THSD4: variants seen among roughly 807,000 people sequenced by gnomAD.
THSD4 encodes thrombospondin type 1 domain containing 4.
A neutral mutation model predicts 119.0 loss-of-function variants in THSD4; 69 were observed. The ratio of observed to expected loss-of-function variants is 0.58; its 90% CI spans 0.48 to 0.71. The LOEUF (loss-of-function observed/expected upper bound fraction) is 0.71, where lower values mean the gene tolerates loss of function less well. THSD4 is among the 30% of genes least tolerant of loss of function. THSD4 has a pLI of 0.00. For missense variants in THSD4, 1,393 were observed against 1,391.1 expected (o/e 1.00, Z -0.02); for synonymous variants, 524 against 540.4 (o/e 0.97, Z 0.42).
chr15:71,684,749 C>T (rs554444538), intron 8 of THSD4, among the ~76,000 whole-genome samples: 3 of 152,072 alleles, frequency 2.0e-5, no homozygotes, highest in African/African-American at 7.2e-5. Flanking sequence ...TTTGTGCTAC[C>T]TCTCTGAGGT....
At chr15:71,234,150 C>T (rs1011158288) in intron 4 of THSD4, among the ~76,000 whole-genome samples, 1 of 152,242 alleles carries the variant, frequency 6.6e-6, no homozygotes, top group Non-Finnish European at 1.5e-5. Flanking sequence ...TGATGCCTCC[C>T]TCCCACATCC....
chr15:71,391,982 C>T (rs919627054), intron 6 of THSD4, among the ~76,000 whole-genome samples: 1 of 152,124 alleles, frequency 6.6e-6, no homozygotes, highest in Non-Finnish European at 1.5e-5. Context: ...GCCAAAATGC[C>T]GTGGAACCCA....
In THSD4 at chr15:71,781,600, C is replaced by G. The variant is rs10468050; in HGVS notation, c.*4226C>G. 0.91 allele frequency: 139,026 copies of G among 152,434 alleles called. 63,624 individuals are homozygous for G. Among genetic ancestry groups the G allele is most frequent in the Non-Finnish European group, 0.95 (64,681 of 68,186 alleles). The allele number at this position is 152,434 out of a possible 1,614,324, so 9.4% of individuals were successfully genotyped here. ...ATGAGAACCCTCAGGCTGGAGAAGG[C>G]ACTAGGGCACAAGGAGAGCTCTCCT... is the stretch of plus-strand genomic sequence containing the variant. On this transcript the variant is annotated 3_prime_UTR_variant, in exon 18 of 18. Coordinates refer to ENST00000261862, the MANE Select transcript of THSD4 (RefSeq NM_024817.3).
intron 11 of THSD4, among the ~76,000 whole-genome samples, chr15:71,738,733 G>A (rs1315744721): frequency 1.3e-5 from 2 of 152,106 alleles, no homozygotes; most frequent in East Asian, 3.9e-4. Context: ...AAGATTTGGT[G>A]TCCAGGGTTT....
chr15:71,113,751 C>T (rs968524357), upstream of THSD4: 6 of 152,184 alleles, frequency 3.9e-5, no homozygotes, highest in African/African-American at 1.2e-4. Flanking sequence ...AGGCCACACT[C>T]GGCACTGAAT....
chr15:71,634,661 A>G lies in THSD4; in HGVS notation c.1153-25869A>G, dbSNP rs1301405829. Reference sequence around the variant, plus strand: ...ATTGAGGGAATGGGTGGGAAGAACAAGGTAAAGAAAGGTCGGTCAGAAATG... The same window carrying G: ...ATTGAGGGAATGGGTGGGAAGAACAGGGTAAAGAAAGGTCGGTCAGAAATG... On this transcript the variant is annotated intron_variant, in intron 7 of 17. Coordinates refer to ENST00000261862, the MANE Select transcript of THSD4 (RefSeq NM_024817.3). 5.3e-5 allele frequency among the ~76,000 whole-genome samples: 8 copies of G among 152,192 alleles called. No homozygotes were observed. The East Asian group carries it at 1.5e-3, about 29-fold the overall frequency.
intron 7 of THSD4, among the ~76,000 whole-genome samples, chr15:71,436,159 T>C (rs748710911): frequency 5.9e-5 from 9 of 152,154 alleles, no homozygotes; most frequent in Non-Finnish European, 1.3e-4. Context: ...GCGGGTCTGA[T>C]GAGAACCATA....
chr15:71,561,132 A>G (rs975595048), intron 7 of THSD4, among the ~76,000 whole-genome samples: 39 of 150,732 alleles, frequency 2.6e-4, no homozygotes, highest in Non-Finnish European at 3.8e-4. Flanking sequence ...CTGCCACCAC[A>G]CCCGGCTCAT....
At chr15:71,641,354 G>A (rs897910669) in intron 7 of THSD4, among the ~76,000 whole-genome samples, 4 of 151,670 alleles carry the variant, frequency 2.6e-5, no homozygotes, top group Non-Finnish European at 5.9e-5. Context: ...AGTTTCCAAT[G>A]TGGGGGCTAT....
intron 15 of THSD4, among the ~76,000 whole-genome samples, chr15:71,764,549 CCTCAG>C (rs1401290367): frequency 6.6e-6 from 1 of 152,252 alleles, no homozygotes; most frequent in Non-Finnish European, 1.5e-5. Context: ...TAGGTCTTCT[CCTCAG>C]CTTTGGGTGT....
rs761839526 is a variant in THSD4 at position 71,737,724 on chromosome 15, T to G, written c.1631-8T>G. 6.3e-7 allele frequency: 1 copy of G among 1,596,198 alleles called. No homozygotes were observed. Among genetic ancestry groups the G allele is most frequent in the Admixed American group, 1.7e-5 (1 of 57,774 alleles). ...CTGATTCTGTGTGTGCACGCTCACC[T>G]CTCCTAGGGGAACCCTTCAATGGCC... On this transcript the variant is annotated splice_region_variant and splice_polypyrimidine_tract_variant and intron_variant, in intron 10 of 17. Transcript: ENST00000261862.
intron 8 of THSD4, among the ~76,000 whole-genome samples, chr15:71,663,701 G>C (rs1247907599): frequency 6.6e-6 from 1 of 152,136 alleles, no homozygotes; most frequent in Non-Finnish European, 1.5e-5. Flanking sequence ...GGTGTATCTA[G>C]CTATTTTGAA....
intron 7 of THSD4, among the ~76,000 whole-genome samples, chr15:71,652,274 C>T (rs2051106668): frequency 6.6e-6 from 1 of 152,114 alleles, no homozygotes; most frequent in African/African-American, 2.4e-5. Flanking sequence ...GCTGCCAGCC[C>T]CTCCTGAGAC....
intron 6 of THSD4, among the ~76,000 whole-genome samples, chr15:71,340,302 C>T (rs2045548531): frequency 1.3e-5 from 2 of 152,158 alleles, no homozygotes; most frequent in East Asian, 1.9e-4. Flanking sequence ...ACCCAAGGCT[C>T]AGAGAGGTTG....
intron 1 of THSD4, among the ~76,000 whole-genome samples, chr15:71,128,725 A>G (rs2040476677): frequency 6.6e-6 from 1 of 152,212 alleles, no homozygotes. Context: ...ACCAAGACAT[A>G]TCATAGTCAA....
intron 7 of THSD4, among the ~76,000 whole-genome samples, chr15:71,480,907 A>C (rs975847947): frequency 6.6e-6 from 1 of 152,208 alleles, no homozygotes; most frequent in Non-Finnish European, 1.5e-5. Context: ...CACATCCATG[A>C]ACACCCCATG....
chr15:71,679,893 T>C (rs973104635), intron 8 of THSD4, among the ~76,000 whole-genome samples: 3 of 152,202 alleles, frequency 2.0e-5, no homozygotes, highest in Non-Finnish European at 4.4e-5. Flanking sequence ...GATACTGCTA[T>C]GTCAGTGGGC....
At chr15:71,719,174 A>G (rs551953111) in intron 8 of THSD4, among the ~76,000 whole-genome samples, 2 of 152,370 alleles carry the variant, frequency 1.3e-5, no homozygotes, top group South Asian at 2.1e-4. Context: ...TAATTTAGCA[A>G]TGAAATAAGA....
intron 3 of THSD4, among the ~76,000 whole-genome samples, chr15:71,160,643 T>C (rs189007534): frequency 6.6e-6 from 1 of 152,152 alleles, no homozygotes; most frequent in Admixed American, 6.5e-5. Context: ...TTATCAGTTG[T>C]CATGTCTCCT....
Sources: allele counts gnomAD v4.1 joint callset (sites outside exome capture counted in the v4.1 genomes callset), GRCh38; gene constraint gnomAD v4.1.1; transcripts MANE v1.5; gene names NCBI Gene and HGNC (gene_info 2026-07-23, HGNC 2026-07-21).